The following RYR2 variants were observed in gnomAD, a reference collection of about 807,000 sequenced individuals.
The protein encoded by RYR2 is cardiac muscle ryanodine receptor-calcium release channel.
A neutral mutation model predicts 601.1 loss-of-function variants in RYR2; 227 were observed. The observed-to-expected ratio is 0.38, with a 90% CI of 0.34 to 0.42. The LOEUF (loss-of-function observed/expected upper bound fraction) is 0.42. Ranked by LOEUF, RYR2 falls within the 10% of genes least tolerant of loss-of-function variation. RYR2 has a pLI of 1.00. For synonymous variants in RYR2, 2,223 were observed against 2,175.1 expected (o/e 1.02, Z -0.61); for missense variants, 4,646 against 6,156.5 (o/e 0.75, Z 8.21).
chr1:237,638,084 A>T (rs562578661), intron 44 of RYR2, among the ~76,000 whole-genome samples: 1 of 142,138 alleles, frequency 7.0e-6, no homozygotes, highest in East Asian at 2.2e-4. Flanking sequence ...ATTAAAAAGA[A>T]TGTCTGCTTA....
At chr1:237,366,970 G>GA (rs549726083) in intron 5 of RYR2, among the ~76,000 whole-genome samples, 3 of 151,644 alleles carry the variant, frequency 2.0e-5, no homozygotes, top group African/African-American at 2.4e-5. Flanking sequence ...ATGCATTATA[G>GA]AAAAAAAAGT....
intron 1 of RYR2, among the ~76,000 whole-genome samples, chr1:237,122,695 A>G (rs1670939591): frequency 6.6e-6 from 1 of 152,062 alleles, no homozygotes; most frequent in Non-Finnish European, 1.5e-5. Flanking sequence ...CAAACAAACA[A>G]ACAAACAAAC....
intron 1 of RYR2, among the ~76,000 whole-genome samples, chr1:237,179,827 G>A (rs2490351): frequency 0.59 from 90,296 of 151,858 alleles, 27,106 homozygotes; most frequent in Non-Finnish European, 0.62. Context: ...GAATCTGCCG[G>A]GCTGAGTCTG....
intron 10 of RYR2, among the ~76,000 whole-genome samples, chr1:237,411,857 G>A (rs962946886): frequency 6.6e-6 from 1 of 152,176 alleles, no homozygotes; most frequent in Admixed American, 6.5e-5. Context: ...ACAGAGCCCT[G>A]TGGCAGCACT....
chr1:237,425,448 A>G (rs1006981635), intron 12 of RYR2, among the ~76,000 whole-genome samples: 5 of 152,142 alleles, frequency 3.3e-5, no homozygotes, highest in African/African-American at 9.7e-5. Context: ...AATCTGACCA[A>G]CATGGTGAAA....
intron 1 of RYR2, among the ~76,000 whole-genome samples, chr1:237,256,361 G>A (rs1336243596): frequency 6.6e-6 from 1 of 152,154 alleles, no homozygotes; most frequent in Non-Finnish European, 1.5e-5. Flanking sequence ...CGTGAGAATA[G>A]ACTAATACAG....
intron 1 of RYR2, among the ~76,000 whole-genome samples, chr1:237,052,534 G>A (rs1306240184): frequency 1.3e-5 from 2 of 152,156 alleles, no homozygotes; most frequent in East Asian, 3.8e-4. Flanking sequence ...CTCTTTTGTA[G>A]CGTTTCAGGA....
At chr1:237,340,250 A>C (rs903705760) in intron 3 of RYR2, among the ~76,000 whole-genome samples, 16 of 152,194 alleles carry the variant, frequency 1.1e-4, no homozygotes, top group African/African-American at 3.4e-4. Context: ...TAGAAAGCGC[A>C]TGTCCATTCT....
intron 1 of RYR2, among the ~76,000 whole-genome samples, chr1:237,244,111 C>T (rs1308568145): frequency 6.6e-6 from 1 of 152,284 alleles, no homozygotes; most frequent in East Asian, 1.9e-4. Context: ...ATGGCTCCCT[C>T]TGAAGAGGAA....
chr1:237,066,556 A>G (rs1663640122), intron 1 of RYR2, among the ~76,000 whole-genome samples: 1 of 129,904 alleles, frequency 7.7e-6, no homozygotes, highest in Non-Finnish European at 1.6e-5. Context: ...GTGTAGTGAT[A>G]TCTAATCATG....
intron 1 of RYR2, among the ~76,000 whole-genome samples, chr1:237,223,216 A>T (rs995142910): frequency 2.0e-5 from 3 of 152,190 alleles, no homozygotes; most frequent in Non-Finnish European, 2.9e-5. Context: ...TTTATTTATC[A>T]TAGTTCTCAA....
Position 237,459,341 on chromosome 1 carries a change from G to T in RYR2, c.1612+2606G>T, listed in dbSNP as rs140850735. ...GGCTCATGTGTGTAGTCCCAGCTGC[G>T]TGGGGGGCTGAACTGGTAGGATTGC... is the stretch of plus-strand genomic sequence containing the variant. On this transcript the variant is annotated intron_variant, in intron 16 of 104. Transcript: ENST00000366574. 1.5e-3 allele frequency among the ~76,000 whole-genome samples: 224 copies of T among 152,258 alleles called. 2 individuals are homozygous for T. Among genetic ancestry groups the T allele is most frequent in the Non-Finnish European group, 2.3e-3 (155 of 68,012 alleles).
At chr1:237,116,822 C>A (rs147533791) in intron 1 of RYR2, among the ~76,000 whole-genome samples, 1 of 152,212 alleles carries the variant, frequency 6.6e-6, no homozygotes, top group East Asian at 1.9e-4. Context: ...CCTTCCTCTG[C>A]ATTTTGTTCT....
chr1:237,425,952 A>G (rs535706467), intron 12 of RYR2, among the ~76,000 whole-genome samples: 87 of 152,224 alleles, frequency 5.7e-4, no homozygotes, highest in Non-Finnish European at 9.7e-4. Context: ...GATTCATACT[A>G]TCCCAATATG....
At chr1:237,304,947 T>C (rs1181610731) in intron 2 of RYR2, among the ~76,000 whole-genome samples, 1 of 152,206 alleles carries the variant, frequency 6.6e-6, no homozygotes, top group Non-Finnish European at 1.5e-5. Flanking sequence ...TGATCATTTA[T>C]AATATGAAAA....
At chr1:237,689,149 T>A (rs778011472) in intron 63 of RYR2, among the ~76,000 whole-genome samples, 27 of 152,062 alleles carry the variant, frequency 1.8e-4, no homozygotes, top group Non-Finnish European at 3.4e-4. Context: ...ACACCTATAG[T>A]CTTAGCTACA....
At chr1:237,592,698 A>G (rs1675350765) in intron 32 of RYR2, among the ~76,000 whole-genome samples, 1 of 151,564 alleles carries the variant, frequency 6.6e-6, no homozygotes, top group Admixed American at 6.6e-5. Context: ...GGCCAAGAAC[A>G]TGCAAAAAAG....
chr1:237,477,269 T>C (rs1661517708), intron 17 of RYR2, among the ~76,000 whole-genome samples: 1 of 152,096 alleles, frequency 6.6e-6, no homozygotes, highest in African/African-American at 2.4e-5. Flanking sequence ...TGCGCACCTG[T>C]AGTCCCTGCT....
At chr1:237,521,022 G>A (rs1667029976) in intron 24 of RYR2, among the ~76,000 whole-genome samples, 1 of 152,084 alleles carries the variant, frequency 6.6e-6, no homozygotes, top group African/African-American at 2.4e-5. Flanking sequence ...AGGTGACAGA[G>A]TGAGACTCTG....
Sources: allele counts gnomAD v4.1 joint callset (sites outside exome capture counted in the v4.1 genomes callset), GRCh38; gene constraint gnomAD v4.1.1; transcripts MANE v1.5; gene names NCBI Gene and HGNC (gene_info 2026-07-23, HGNC 2026-07-21).